TNIK: variants seen among roughly 807,000 people sequenced by gnomAD.
TNIK encodes the protein TRAF2 and NCK-interacting protein kinase.
In TNIK, 49 loss-of-function variants were observed where a neutral mutation model predicts 191.3. The observed-to-expected ratio is 0.26, with a 90% CI of 0.20 to 0.32. The LOEUF is 0.32. TNIK is among the 10% of genes least tolerant of loss of function. The pLI is 1.00. For synonymous variants in TNIK, 594 were observed against 600.9 expected, an observed-to-expected ratio of 0.99 and a Z score of 0.17; for missense variants, 1,155 against 1,702.3, an observed-to-expected ratio of 0.68 and a Z score of 5.66.
intron 2 of TNIK, among the ~76,000 whole-genome samples, chr3:171,313,684 G>A (rs183968872): frequency 1.6e-4 from 24 of 152,170 alleles, no homozygotes; most frequent in Admixed American, 1.0e-3. Flanking sequence ...GGGTCCTTAC[G>A]TCTAAACAGC....
At chr3:171,065,006 G>A (rs77212263) in intron 32 of TNIK, among the ~76,000 whole-genome samples, 3,000 of 152,302 alleles carry the variant, frequency 0.02, 104 homozygotes, top group African/African-American at 0.069. Flanking sequence ...ATGAAGAAAA[G>A]AAAGGGCTGC....
intron 4 of TNIK, among the ~76,000 whole-genome samples, chr3:171,203,211 C>T (rs374413974): frequency 1.1e-4 from 16 of 152,180 alleles, no homozygotes; most frequent in African/African-American, 2.2e-4. Context: ...CAAGCCAAGA[C>T]GCTATAACAA....
At chr3:171,329,671 A>T (rs551692475) in intron 2 of TNIK, among the ~76,000 whole-genome samples, 1 of 152,354 alleles carries the variant, frequency 6.6e-6, no homozygotes, top group African/African-American at 2.4e-5. Flanking sequence ...TATGCCAGTC[A>T]TTAGCTAACA....
intron 2 of TNIK, among the ~76,000 whole-genome samples, chr3:171,276,410 C>T (rs1749756080): frequency 6.6e-6 from 1 of 152,054 alleles, no homozygotes; most frequent in Non-Finnish European, 1.5e-5. Context: ...GGAAAAAACT[C>T]CATCAAAGTG....
chr3:171,213,580 T>C (rs1190335860), intron 3 of TNIK, among the ~76,000 whole-genome samples: 1 of 152,046 alleles, frequency 6.6e-6, no homozygotes, highest in Non-Finnish European at 1.5e-5. Context: ...AATAAGAGCT[T>C]ATAAAACAGT....
At chr3:171,108,218 C>G (rs1560123513) in intron 19 of TNIK, 56 bp from the exon 20 acceptor site, 8 of 1,366,568 alleles carry the variant, frequency 5.9e-6, no homozygotes, top group Non-Finnish European at 6.9e-6. Context: ...AGTGCTGGCT[C>G]AAGTTCTGAA....
At chr3:171,266,951 T>C (rs759186736) in intron 2 of TNIK, among the ~76,000 whole-genome samples, 5 of 152,212 alleles carry the variant, frequency 3.3e-5, no homozygotes, top group Non-Finnish European at 7.4e-5. Flanking sequence ...CACTCTCAGA[T>C]TGCCATGTAA....
chr3:171,276,827 G>GT (rs762565193), intron 2 of TNIK, among the ~76,000 whole-genome samples: 5 of 152,182 alleles, frequency 3.3e-5, no homozygotes, highest in Non-Finnish European at 5.9e-5. Context: ...GTTTATTGCA[G>GT]TAAAAAGTAG....
intron 5 of TNIK, among the ~76,000 whole-genome samples, chr3:171,193,475 A>G (rs1016418019): frequency 7.9e-5 from 12 of 152,224 alleles, no homozygotes; most frequent in East Asian, 1.9e-4. Flanking sequence ...GTCTTCTTTA[A>G]TATTTCTCAG....
chr3:171,069,770 C>A (rs940349815), intron 29 of TNIK, among the ~76,000 whole-genome samples: 2 of 152,342 alleles, frequency 1.3e-5, no homozygotes, highest in African/African-American at 2.4e-5. Context: ...GCCTTGAGAT[C>A]TGGGAGAGCA....
rs1439937841 is a variant in TNIK, at chr3:171,156,812, A to C, written c.1221+648T>G. 2.6e-5 allele frequency among the ~76,000 whole-genome samples: 4 copies of C among 152,198 alleles called. No individual in the cohort carries two copies. In the East Asian group the frequency reaches 5.8e-4, roughly 22 times the overall value. The stretch of plus-strand genomic sequence containing the variant: ...GGTACTAAGGGATGTCTGGGAAAGG[A>C]TCTGTGAAACATTCTTCCTAGCATT... On this transcript the variant is annotated intron_variant, in intron 12 of 32. Coordinates refer to ENST00000436636, the MANE Select transcript of TNIK (RefSeq NM_015028.4).
chr3:171,229,755 C>T (rs987656536), intron 2 of TNIK, among the ~76,000 whole-genome samples: 1 of 152,160 alleles, frequency 6.6e-6, no homozygotes, highest in Non-Finnish European at 1.5e-5. Context: ...TTTTGACCCC[C>T]ATTCTGCTGC....
intron 22 of TNIK, among the ~76,000 whole-genome samples, chr3:171,095,574 T>G (rs561187271): frequency 1.1e-3 from 164 of 152,350 alleles, no homozygotes; most frequent in Non-Finnish European, 1.9e-3. Flanking sequence ...AAAATATCTC[T>G]GGCCTCTTGG....
intron 3 of TNIK, among the ~76,000 whole-genome samples, chr3:171,220,998 T>C (rs1560281574): frequency 1.3e-5 from 2 of 152,140 alleles, no homozygotes; most frequent in South Asian, 4.1e-4. Context: ...CAAAAGGGTC[T>C]AATCTGTATG....
At chr3:171,141,388 A>G (rs1026847277) in intron 12 of TNIK, among the ~76,000 whole-genome samples, 8 of 152,318 alleles carry the variant, frequency 5.3e-5, no homozygotes, top group Non-Finnish European at 7.3e-5. Context: ...TCTGAGCTCA[A>G]TCATTAAGGA....
Position 171,347,391 on chromosome 3 carries a change from T to TCACACACACACA in TNIK, c.123+22217_123+22228dup, listed in dbSNP as rs150384769. Among the ~76,000 whole-genome samples the TCACACACACACA allele has an allele frequency of 1.7e-3, 245 of 146,166 alleles. 2 individuals are homozygous for TCACACACACACA. Among genetic ancestry groups the TCACACACACACA allele is most frequent in the African/African-American group, 5.3e-3 (208 of 39,382 alleles). ...CTGGCCCTCAGCTGAGAAGTGCCTA[T>TCACACACACACA]CACACACACACACACACACACACAC... On this transcript the variant is annotated intron_variant, in intron 2 of 32. Transcript: ENST00000436636.
At chr3:171,405,182 C>T (rs541897426) in intron 1 of TNIK, among the ~76,000 whole-genome samples, 1 of 152,090 alleles carries the variant, frequency 6.6e-6, no homozygotes, top group South Asian at 2.1e-4. Context: ...TGGATTTGAA[C>T]GCAAGCAGTC....
At chr3:171,085,791 A>G (rs1560088797) in intron 24 of TNIK, among the ~76,000 whole-genome samples, 2 of 152,314 alleles carry the variant, frequency 1.3e-5, no homozygotes, top group East Asian at 3.9e-4. Flanking sequence ...GGAATTGAAG[A>G]TATTTCCTTC....
At chr3:171,132,077 A>G (rs970435903) in intron 15 of TNIK, among the ~76,000 whole-genome samples, 1 of 152,214 alleles carries the variant, frequency 6.6e-6, no homozygotes, top group African/African-American at 2.4e-5. Flanking sequence ...AAAGTCTAGG[A>G]GCCAAGTTTC....
Sources: allele counts gnomAD v4.1 joint callset (sites outside exome capture counted in the v4.1 genomes callset), GRCh38; gene constraint gnomAD v4.1.1; transcripts MANE v1.5; gene names NCBI Gene and HGNC (gene_info 2026-07-23, HGNC 2026-07-21).